Variants in FOXN3 observed in about 807,000 individuals in gnomAD.
FOXN3 encodes the protein forkhead box protein N3.
A neutral mutation model predicts 38.4 loss-of-function variants in FOXN3; 7 were observed. That is an observed-to-expected ratio of 0.18 (90% CI 0.10 to 0.34). The LOEUF is 0.34. Ranked by LOEUF, FOXN3 falls within the 10% of genes least tolerant of loss-of-function variation. FOXN3 has a pLI of 1.00. For missense variants in FOXN3, 456 were observed against 613.4 expected (o/e 0.74, Z 2.71); for synonymous variants, 230 against 242.2 (o/e 0.95, Z 0.47).
At chr14:89,250,190 A>T (rs1885413408) in intron 4 of FOXN3, among the ~76,000 whole-genome samples, 1 of 152,226 alleles carries the variant, frequency 6.6e-6, no homozygotes, top group South Asian at 2.1e-4. Flanking sequence ...AGCTCACTGT[A>T]GCCTTGACTT....
At chr14:89,471,010 C>T (rs1350522127) in intron 1 of FOXN3, among the ~76,000 whole-genome samples, 1 of 151,882 alleles carries the variant, frequency 6.6e-6, no homozygotes, top group Non-Finnish European at 1.5e-5. Context: ...CTGGGACAAT[C>T]CACAGTGAAC....
chr14:89,525,805 A>G (rs1054057691), intron 1 of FOXN3, among the ~76,000 whole-genome samples: 5 of 152,180 alleles, frequency 3.3e-5, no homozygotes, highest in African/African-American at 1.2e-4. Flanking sequence ...CCAAAACCAG[A>G]CAAAGATAGA....
chr14:89,232,964 T>C (rs1179541266), intron 4 of FOXN3, among the ~76,000 whole-genome samples: 1 of 152,156 alleles, frequency 6.6e-6, no homozygotes, highest in Non-Finnish European at 1.5e-5. Context: ...GAAACAGTCA[T>C]AGTAACAACA....
chr14:89,199,952 T>A (rs571932472), intron 4 of FOXN3, among the ~76,000 whole-genome samples: 7 of 152,218 alleles, frequency 4.6e-5, no homozygotes, highest in African/African-American at 1.7e-4. Context: ...AAAACTGCAC[T>A]ATTTTATACA....
intron 1 of FOXN3, among the ~76,000 whole-genome samples, chr14:89,560,147 G>A (rs1895217914): frequency 6.6e-6 from 1 of 152,098 alleles, no homozygotes; most frequent in African/African-American, 2.4e-5. Flanking sequence ...GAGAGAAGGG[G>A]GGAGTGCTAC....
At chr14:89,391,374 G>A (rs1419742804) in intron 2 of FOXN3, among the ~76,000 whole-genome samples, 2 of 152,288 alleles carry the variant, frequency 1.3e-5, no homozygotes, top group African/African-American at 2.4e-5. Flanking sequence ...CAGCCAGTAC[G>A]TTCATATTTC....
chr14:89,395,880 G>T (rs1188680114), intron 2 of FOXN3, among the ~76,000 whole-genome samples: 1 of 152,062 alleles, frequency 6.6e-6, no homozygotes, highest in Non-Finnish European at 1.5e-5. Context: ...TATCAAGACA[G>T]ACAGTTAAGT....
intron 3 of FOXN3, chr14:89,290,247 G>A (rs1361795082): frequency 1.5e-5 from 5 of 323,176 alleles, no homozygotes; most frequent in African/African-American, 1.1e-4. Flanking sequence ...AACTGCTCAG[G>A]GACAGGAAAT....
intron 3 of FOXN3, among the ~76,000 whole-genome samples, chr14:89,344,093 A>C (rs1888698826): frequency 6.6e-6 from 1 of 152,220 alleles, no homozygotes; most frequent in Non-Finnish European, 1.5e-5. Context: ...CTAACTCTGC[A>C]AATTTTATAG....
rs61535528 is a variant in FOXN3 at position 89,181,659 on chromosome 14, A to G, written c.746-853T>C. Among the ~76,000 whole-genome samples, 809 of 152,006 alleles carry G rather than the reference A, an allele frequency of 5.3e-3. 11 individuals carry two copies. The highest frequency in any genetic ancestry group is 0.018 in the African/African-American group (763 of 41,422). On this transcript the variant is annotated intron_variant, in intron 4 of 5. Coordinates refer to ENST00000557258, the MANE Select transcript of FOXN3 (RefSeq NM_005197.4). The stretch of plus-strand genomic sequence containing the variant: ...CACCAGCAACCATCAGATCTTGTCC[A>G]TTCTCCATACAAACTCCAAGATCTC...
chr14:89,368,604 C>T (rs887349039), intron 2 of FOXN3, among the ~76,000 whole-genome samples: 5 of 152,178 alleles, frequency 3.3e-5, no homozygotes, highest in African/African-American at 1.2e-4. Context: ...CATGATTGTG[C>T]CACTGCACTC....
intron 4 of FOXN3, among the ~76,000 whole-genome samples, chr14:89,278,258 C>T (rs878891428): frequency 2.0e-5 from 3 of 152,076 alleles, no homozygotes; most frequent in Admixed American, 6.5e-5. Flanking sequence ...AAAGGGAAAC[C>T]CCTTATAAAA....
intron 1 of FOXN3, among the ~76,000 whole-genome samples, chr14:89,499,571 G>C (rs1361197050): frequency 6.6e-6 from 1 of 151,208 alleles, no homozygotes; most frequent in East Asian, 1.9e-4. Flanking sequence ...CTTAATTTTA[G>C]TTTCTAAATT....
At chr14:89,205,988 A>G (rs1221222518) in intron 4 of FOXN3, among the ~76,000 whole-genome samples, 1 of 152,156 alleles carries the variant, frequency 6.6e-6, no homozygotes, top group Non-Finnish European at 1.5e-5. Context: ...GGCCCTAGAG[A>G]GCTGCCCGTC....
rs532385257 is a variant in FOXN3, at chr14:89,505,687, C to T, written c.-14-93197G>A. ...AAGTGCCGAGATTGCAGCCTCTGCC[C>T]GGCCACCACCCCGTCTGGGAAGTGA... On this transcript the variant is annotated intron_variant, in intron 1 of 6. Coordinates refer to the FOXN3 transcript ENST00000345097. Among the ~76,000 whole-genome samples the T allele has an allele frequency of 7.5e-3, 1,134 of 152,136 alleles. 44 individuals carry two copies. In the East Asian group the frequency reaches 0.099, roughly 13 times the overall value.
chr14:89,567,177 A>G (rs1178486374), intron 1 of FOXN3, among the ~76,000 whole-genome samples: 1 of 152,062 alleles, frequency 6.6e-6, no homozygotes, highest in African/African-American at 2.4e-5. Flanking sequence ...CATCATCACC[A>G]CCACAAAACC....
At position 89,265,752 on chromosome 14, in the gene FOXN3, C is replaced by T. The variant is rs542911108; in HGVS notation, c.745+15198G>A. Among the ~76,000 whole-genome samples, 9 of 152,294 alleles carry T rather than the reference C, an allele frequency of 5.9e-5. No homozygotes were observed. The South Asian group carries it at 1.9e-3, about 32-fold the overall frequency. ...GTCCAAGGCCAGACTGCAGATCGTC[C>T]TACTTGAGACTCTTTCAGCTTTCTT... On this transcript the variant is annotated intron_variant, in intron 4 of 5. Coordinates refer to ENST00000557258, the MANE Select transcript of FOXN3 (RefSeq NM_005197.4).
intron 1 of FOXN3, among the ~76,000 whole-genome samples, chr14:89,583,242 A>G (rs1340796629): frequency 6.6e-6 from 1 of 152,190 alleles, no homozygotes; most frequent in African/African-American, 2.4e-5. Flanking sequence ...TTTGCCCCTC[A>G]AAATTCATTT....
At chr14:89,556,807 A>C (rs896174755) in intron 1 of FOXN3, among the ~76,000 whole-genome samples, 5 of 152,140 alleles carry the variant, frequency 3.3e-5, no homozygotes, top group Non-Finnish European at 7.4e-5. Context: ...TCTACCAGAG[A>C]AGGGCTGTGG....
Sources: gnomAD v4.1 joint callset for allele counts (sites outside exome capture counted in the v4.1 genomes callset) on GRCh38, gnomAD v4.1.1 for gene constraint, MANE v1.5 for transcripts, NCBI Gene and HGNC (gene_info 2026-07-23, HGNC 2026-07-21) for gene names.